The following VAPA variants were observed in gnomAD, a reference collection of about 807,000 sequenced individuals.
VAPA encodes the protein vesicle-associated membrane protein-associated protein A.
A neutral mutation model predicts 25.6 loss-of-function variants in VAPA; 6 were observed. That is an observed-to-expected ratio of 0.23 (90% confidence interval 0.13 to 0.46). The LOEUF is 0.46. VAPA is among the 20% of genes least tolerant of loss of function. The pLI, the probability that VAPA is intolerant of heterozygous loss-of-function variation, is 0.99. For missense variants in VAPA, 244 were observed against 302.1 expected, an observed-to-expected ratio of 0.81 and a Z score of 1.43; for synonymous variants, 112 against 106.2, an observed-to-expected ratio of 1.05 and a Z score of -0.34.
chr18:9,927,419 T>A (rs2069210042), intron 1 of VAPA, among the ~76,000 whole-genome samples: 1 of 152,054 alleles, frequency 6.6e-6, no homozygotes, highest in African/African-American at 2.4e-5. Context: ...TCATCAGTAG[T>A]TCACATCAAA....
chr18:9,924,665 T>C (rs1026547584), intron 1 of VAPA, among the ~76,000 whole-genome samples: 1 of 152,156 alleles, frequency 6.6e-6, no homozygotes, highest in Non-Finnish European at 1.5e-5. Flanking sequence ...TTGAATTATC[T>C]CCCATCTTTA....
At chr18:9,922,197 T>C (rs2069162545) in intron 1 of VAPA, among the ~76,000 whole-genome samples, 1 of 152,234 alleles carries the variant, frequency 6.6e-6, no homozygotes, top group East Asian at 1.9e-4. Context: ...CTTGAACTCC[T>C]GGCCTCAAGC....
intron 4 of VAPA, among the ~76,000 whole-genome samples, chr18:9,946,205 T>C (rs150751445): frequency 0.017 from 2,529 of 152,298 alleles, 36 homozygotes; most frequent in South Asian, 0.035. Context: ...GGATATATAT[T>C]GAGAAATGTG....
intron 4 of VAPA, among the ~76,000 whole-genome samples, chr18:9,945,558 C>T (rs1412374178): frequency 6.6e-6 from 1 of 151,716 alleles, no homozygotes; most frequent in Non-Finnish European, 1.5e-5. Flanking sequence ...GATGGGGTTT[C>T]ACCATGTTGG....
intron 4 of VAPA, among the ~76,000 whole-genome samples, chr18:9,937,838 T>G (rs1157472274): frequency 6.6e-6 from 1 of 152,184 alleles, no homozygotes; most frequent in Non-Finnish European, 1.5e-5. Context: ...ACTGCCTTAA[T>G]CTAGTGGCCA....
At chr18:9,949,379 T>C (rs1258465861) in intron 4 of VAPA, 1 of 152,216 alleles carries the variant, frequency 6.6e-6, no homozygotes, top group Non-Finnish European at 1.5e-5. Context: ...TTAGGCATAC[T>C]AATCAAATCA....
chr18:9,949,428 C>CA (rs1806558958), intron 4 of VAPA: 2 of 152,104 alleles, frequency 1.3e-5, no homozygotes, highest in African/African-American at 2.4e-5. Flanking sequence ...GCCCTTTGAA[C>CA]AATCTGTTTA....
In VAPA at chr18:9,954,301, C is replaced by A; in HGVS notation, c.*90C>A. 8.6e-7 allele frequency: 1 copy of A among 1,156,918 alleles called. No individual in the cohort carries two copies. The highest frequency in any genetic ancestry group is 1.2e-6 in the Non-Finnish European group (1 of 813,654). The allele number at this position is 1,156,918 out of a possible 1,614,324, so 71.7% of individuals were successfully genotyped here. A position where few individuals can be genotyped will look rare whatever the true frequency, so the allele number is the denominator to read the frequency against. On this transcript the variant is annotated 3_prime_UTR_variant, in exon 6 of 6. Coordinates refer to ENST00000400000, the MANE Select transcript of VAPA (RefSeq NM_194434.3). ...CCTACCATTTCATTGGTAGTATGGCCCACGGTGACCATTTTTTTGTGTGTA... is the reference window on the plus strand; with the variant it reads ...CCTACCATTTCATTGGTAGTATGGCACACGGTGACCATTTTTTTGTGTGTA...
intron 4 of VAPA, among the ~76,000 whole-genome samples, chr18:9,940,387 T>C (rs2069354543): frequency 6.6e-6 from 1 of 152,166 alleles, no homozygotes; most frequent in South Asian, 2.1e-4. Context: ...GGAGATGGTA[T>C]TTCACAACTA....
In VAPA at chr18:9,936,221, T is replaced by G; in HGVS notation, c.336+8T>G. 1 of 1,565,468 alleles carries G rather than the reference T, an allele frequency of 6.4e-7. No homozygotes were observed. The highest frequency in any genetic ancestry group is 1.2e-5 in the South Asian group (1 of 81,782). On this transcript the variant is annotated splice_region_variant and intron_variant, in intron 3 of 5. Coordinates refer to ENST00000400000, the MANE Select transcript of VAPA (RefSeq NM_194434.3). ...TCAGATATGGAAGCTGTGGTAAGTA[T>G]AGAAGAAGAATTTGTTTTGGGAAGT...
chr18:9,920,500 G>T (rs1402895459), intron 1 of VAPA, among the ~76,000 whole-genome samples: 1 of 152,068 alleles, frequency 6.6e-6, no homozygotes, highest in Non-Finnish European at 1.5e-5. Flanking sequence ...ACGGGGTTTT[G>T]CCCTGTGGGC....
chr18:9,944,443 A>G (rs930803294), intron 4 of VAPA, among the ~76,000 whole-genome samples: 1 of 152,156 alleles, frequency 6.6e-6, no homozygotes, highest in African/African-American at 2.4e-5. Flanking sequence ...TTAAGTGTTT[A>G]TTGGCCTGGG....
At chr18:9,930,091 A>T (rs887681730) in intron 1 of VAPA, among the ~76,000 whole-genome samples, 1 of 152,138 alleles carries the variant, frequency 6.6e-6, no homozygotes, top group Non-Finnish European at 1.5e-5. Flanking sequence ...AGTTTAAAAA[A>T]TTATTTTACC....
At chr18:9,931,726 A>G in intron 1 of VAPA, 84 bp from the exon 2 acceptor site, 1 of 1,166,874 alleles carries the variant, frequency 8.6e-7, no homozygotes, top group Non-Finnish European at 1.2e-6. Flanking sequence ...ATTAAAATTG[A>G]GGTTATATAT....
chr18:9,953,041 T>A lies in VAPA; in HGVS notation c.592-1012T>A, dbSNP rs1486629520. ...AAAAGTAAAAAACTGTCCTGCCATT[T>A]ATCAGATTGGTTAACAGACAGAGAT... On this transcript the variant is annotated intron_variant, in intron 5 of 5. Coordinates refer to ENST00000400000, the MANE Select transcript of VAPA (RefSeq NM_194434.3). 2.4e-4 allele frequency among the ~76,000 whole-genome samples: 36 copies of A among 152,374 alleles called. 1 individual carries two copies. Among genetic ancestry groups the A allele is most frequent in the Admixed American group, 2.4e-3 (36 of 15,312 alleles).
At chr18:9,936,654 G>GAAT (rs2069313684) in intron 3 of VAPA, 7 of 253,682 alleles carry the variant, frequency 2.8e-5, no homozygotes, top group Admixed American at 2.7e-4. Flanking sequence ...GGCATGGGAG[G>GAAT]ATTGATTGCT....
chr18:9,958,162 C>T lies in VAPA; in HGVS notation c.*3951C>T, dbSNP rs1236460409. Reference sequence around the variant, plus strand: ...AATATTAATGTTCTTTAAGCATAATCACTAATTATAAGTTGTATCCTATTT... The same window carrying T: ...AATATTAATGTTCTTTAAGCATAATTACTAATTATAAGTTGTATCCTATTT... On this transcript the variant is annotated 3_prime_UTR_variant, in exon 6 of 6. Coordinates refer to ENST00000400000, the MANE Select transcript of VAPA (RefSeq NM_194434.3). 1 of 152,112 alleles carries T rather than the reference C, an allele frequency of 6.6e-6. No individual in the cohort carries two copies. The allele number at this position is 152,112 out of a possible 1,614,324, so 9.4% of individuals were successfully genotyped here.
intron 2 of VAPA, among the ~76,000 whole-genome samples, chr18:9,933,785 A>G (rs1422785386): frequency 6.6e-6 from 1 of 152,010 alleles, no homozygotes; most frequent in Admixed American, 6.6e-5. Flanking sequence ...TGATCCATCT[A>G]CCTTAGCCTC....
rs2069419144 is a variant in VAPA, at chr18:9,945,984, C to A, written c.418-4411C>A. ...TTTATGTGCGTTTTTATCCATCACT[C>A]CTGTTAGTTGTAAGAATGTAGGCCC... On this transcript the variant is annotated intron_variant, in intron 4 of 5. Transcript: ENST00000400000. Among the ~76,000 whole-genome samples, 7 of 152,244 alleles carry A rather than the reference C, an allele frequency of 4.6e-5. No individual in the cohort carries two copies. The South Asian group carries it at 1.5e-3, about 32-fold the overall frequency.
Sources: allele counts gnomAD v4.1 joint callset (sites outside exome capture counted in the v4.1 genomes callset), GRCh38; gene constraint gnomAD v4.1.1; transcripts MANE v1.5; gene names NCBI Gene and HGNC (gene_info 2026-07-23, HGNC 2026-07-21).